Variants in DSCAM observed in about 807,000 individuals in gnomAD.
DSCAM encodes the protein cell adhesion molecule DSCAM.
A neutral mutation model predicts 217.7 loss-of-function variants in DSCAM; 47 were observed. The observed-to-expected ratio is 0.22, with a 90% CI of 0.17 to 0.28. DSCAM has a LOEUF of 0.28. DSCAM is among the 10% of genes least tolerant of loss of function. The pLI is 1.00. For missense variants in DSCAM, 2,080 were observed against 2,618.3 expected, an observed-to-expected ratio of 0.79 and a Z score of 4.49; for synonymous variants, 1,056 against 1,015.3, an observed-to-expected ratio of 1.04 and a Z score of -0.76.
At chr21:40,789,973 AT>A (rs1375355314) in intron 1 of DSCAM, among the ~76,000 whole-genome samples, 7 of 152,068 alleles carry the variant, frequency 4.6e-5, no homozygotes, top group Non-Finnish European at 1.0e-4. Context: ...TATGGCTCTG[AT>A]TGGTGGCTTT....
At chr21:40,581,847 TCTTTTA>T (rs899648574) in intron 3 of DSCAM, among the ~76,000 whole-genome samples, 5 of 152,122 alleles carry the variant, frequency 3.3e-5, no homozygotes, top group African/African-American at 1.2e-4. Flanking sequence ...AGAATTTCTT[TCTTTTA>T]ATTTTTCCTT....
At chr21:40,684,306 C>T (rs74340672) in intron 3 of DSCAM, among the ~76,000 whole-genome samples, 1,852 of 152,262 alleles carry the variant, frequency 0.012, 26 homozygotes, top group South Asian at 0.053. Flanking sequence ...CACAGGCTGA[C>T]GGTGGAGAAG....
intron 1 of DSCAM, among the ~76,000 whole-genome samples, chr21:40,845,075 C>T (rs1442999205): frequency 1.3e-5 from 2 of 152,166 alleles, no homozygotes; most frequent in African/African-American, 4.8e-5. Context: ...GACACATCTC[C>T]GCATGTTCCC....
At chr21:40,626,139 T>A (rs1338612948) in intron 3 of DSCAM, among the ~76,000 whole-genome samples, 1 of 152,194 alleles carries the variant, frequency 6.6e-6, no homozygotes, top group Non-Finnish European at 1.5e-5. Context: ...AAGGCAGAGT[T>A]GGGAAATGCC....
At chr21:40,179,713 T>C (rs943582812) in intron 14 of DSCAM, among the ~76,000 whole-genome samples, 1 of 152,230 alleles carries the variant, frequency 6.6e-6, no homozygotes, top group African/African-American at 2.4e-5. Context: ...AATCCTTGGT[T>C]GTAGGAATTA....
chr21:40,028,808 C>T (rs35104394), intron 32 of DSCAM, among the ~76,000 whole-genome samples: 3 of 152,190 alleles, frequency 2.0e-5, no homozygotes, highest in South Asian at 2.1e-4. Flanking sequence ...GCGTCGCTCA[C>T]GCTGGGAGCT....
chr21:40,225,484 A>G (rs914750143), intron 11 of DSCAM, among the ~76,000 whole-genome samples: 3 of 152,106 alleles, frequency 2.0e-5, no homozygotes, highest in East Asian at 1.9e-4. Context: ...AGCCTTCTCT[A>G]TCTTCAAAAC....
intron 3 of DSCAM, among the ~76,000 whole-genome samples, chr21:40,380,841 A>C (rs1366071024): frequency 6.6e-6 from 1 of 152,028 alleles, no homozygotes; most frequent in Non-Finnish European, 1.5e-5. Flanking sequence ...AGGCGGGCGG[A>C]TCACAAGGTC....
chr21:40,556,573 A>G (rs2076673306), intron 3 of DSCAM, among the ~76,000 whole-genome samples: 1 of 152,220 alleles, frequency 6.6e-6, no homozygotes, highest in Non-Finnish European at 1.5e-5. Flanking sequence ...GCATCTGGTG[A>G]AAACCCCAGA....
intron 27 of DSCAM, among the ~76,000 whole-genome samples, chr21:40,063,891 G>C (rs143043506): frequency 1.1e-3 from 168 of 152,244 alleles, no homozygotes; most frequent in African/African-American, 3.8e-3. Context: ...AGCTTAGTTC[G>C]TTAAGTTGGC....
intron 3 of DSCAM, among the ~76,000 whole-genome samples, chr21:40,577,241 TAAA>T (rs67100943): frequency 6.6e-4 from 93 of 141,680 alleles, no homozygotes; most frequent in African/African-American, 2.2e-3. Context: ...AAAGCTTTAT[TAAA>T]AAAAAAAAAA....
chr21:40,499,299 G>C (rs2076153717), intron 3 of DSCAM, among the ~76,000 whole-genome samples: 1 of 152,116 alleles, frequency 6.6e-6, no homozygotes, highest in Non-Finnish European at 1.5e-5. Flanking sequence ...CAATACAAGT[G>C]ATCCTAGCCA....
At chr21:40,585,419 C>CA (rs71186946) in intron 3 of DSCAM, among the ~76,000 whole-genome samples, 4,575 of 85,600 alleles carry the variant, frequency 0.053, 211 homozygotes, top group South Asian at 0.11. Context: ...GACTCCGTCT[C>CA]AAAAAAAAAA....
chr21:40,466,619 T>C (rs1601665348), intron 3 of DSCAM, among the ~76,000 whole-genome samples: 1 of 152,210 alleles, frequency 6.6e-6, no homozygotes, highest in East Asian at 1.9e-4. Context: ...TCAGCTTCCG[T>C]TTCTCCCTGC....
At chr21:40,358,788 C>A (rs374263946) in intron 4 of DSCAM, among the ~76,000 whole-genome samples, 7 of 126,376 alleles carry the variant, frequency 5.5e-5, no homozygotes, top group African/African-American at 1.9e-4. Flanking sequence ...GGCAACAAAG[C>A]AAGACTCCAT....
At chr21:40,385,185 A>G (rs991592416) in intron 3 of DSCAM, 2 of 152,180 alleles carry the variant, frequency 1.3e-5, no homozygotes, top group African/African-American at 4.8e-5. Context: ...TAAGTATTTT[A>G]CTATTTCTCA....
chr21:40,357,799 C>A (rs2074711274), intron 4 of DSCAM, among the ~76,000 whole-genome samples: 1 of 151,326 alleles, frequency 6.6e-6, no homozygotes, highest in African/African-American at 2.4e-5. Context: ...CAACATGGCA[C>A]ATGTATATAT....
Position 40,260,451 on chromosome 21 carries a change from G to A in DSCAM, c.2356+15646C>T, listed in dbSNP as rs564844362. ...GCCCTGTAGCATGGACACTTGCCAT[G>A]ACCTGCCATTGCTTTACAAATGTGC... is the stretch of plus-strand genomic sequence containing the variant. On this transcript the variant is annotated intron_variant, in intron 11 of 32. Transcript: ENST00000400454. 2.6e-5 allele frequency among the ~76,000 whole-genome samples: 4 copies of A among 152,320 alleles called. No homozygotes were observed. In the East Asian group the frequency reaches 7.7e-4, roughly 29 times the overall value.
At chr21:40,688,818 T>C (rs1170556924) in intron 3 of DSCAM, among the ~76,000 whole-genome samples, 1 of 152,220 alleles carries the variant, frequency 6.6e-6, no homozygotes, top group Non-Finnish European at 1.5e-5. Flanking sequence ...CTCCATTTGG[T>C]AGAATTATGG....
Sources: allele counts gnomAD v4.1 joint callset (sites outside exome capture counted in the v4.1 genomes callset), GRCh38; gene constraint gnomAD v4.1.1; transcripts MANE v1.5; gene names NCBI Gene and HGNC (gene_info 2026-07-23, HGNC 2026-07-21).